ABCA13: variants seen among roughly 807,000 people sequenced by gnomAD.
ABCA13 encodes the protein ATP binding cassette subfamily A member 13, also known as ATP-binding cassette sub-family A member 13.
In ABCA13, 476 loss-of-function variants were observed where a neutral mutation model predicts 478.7. The observed-to-expected ratio is 0.99, with a 90% confidence interval of 0.92 to 1.07. ABCA13 has a LOEUF of 1.07. ABCA13 is among the 50% of genes least tolerant of loss of function. The pLI, the probability that ABCA13 is intolerant of heterozygous loss-of-function variation, is 0.00. For missense variants in ABCA13, 6,060 were observed against 5,910.6 expected, an observed-to-expected ratio of 1.03 and a Z score of -0.83; for synonymous variants, 2,252 against 2,158.9, an observed-to-expected ratio of 1.04 and a Z score of -1.20.
intron 51 of ABCA13, among the ~76,000 whole-genome samples, chr7:48,513,308 GATTC>G (rs1784947807): frequency 6.6e-6 from 1 of 152,156 alleles, no homozygotes; most frequent in Non-Finnish European, 1.5e-5. Flanking sequence ...TACACGAATT[GATTC>G]TTTTAAGAGA....
At chr7:48,340,610 C>G (rs527379465) in intron 29 of ABCA13, among the ~76,000 whole-genome samples, 86 of 152,172 alleles carry the variant, frequency 5.7e-4, no homozygotes, top group Middle Eastern at 3.4e-3. Flanking sequence ...TGTATTTTCA[C>G]AAAAATGATT....
At chr7:48,237,536 G>A (rs1790150474) in intron 8 of ABCA13, among the ~76,000 whole-genome samples, 1 of 152,202 alleles carries the variant, frequency 6.6e-6, no homozygotes, top group African/African-American at 2.4e-5. Context: ...AGCCATGCTA[G>A]ACTTCTCTCA....
At chr7:48,477,326 G>A (rs989590838) in intron 45 of ABCA13, among the ~76,000 whole-genome samples, 3 of 152,184 alleles carry the variant, frequency 2.0e-5, no homozygotes, top group African/African-American at 7.2e-5. Context: ...GTGGAAGTCA[G>A]TATGGCGATT....
intron 53 of ABCA13, 59 bp downstream of exon 53, chr7:48,520,353 G>A: frequency 1.3e-6 from 2 of 1,507,298 alleles, no homozygotes; most frequent in East Asian, 4.6e-5. Context: ...GAGAGGAAGA[G>A]AAAAATTCAT....
intron 35 of ABCA13, among the ~76,000 whole-genome samples, chr7:48,379,649 A>G (rs1814041349): frequency 6.6e-6 from 1 of 152,362 alleles, no homozygotes; most frequent in Non-Finnish European, 1.5e-5. Context: ...AAGAAAATGC[A>G]TAAGTAAAGA....
intron 5 of ABCA13, among the ~76,000 whole-genome samples, chr7:48,223,572 G>T (rs897230395): frequency 2.0e-5 from 3 of 152,112 alleles, no homozygotes; most frequent in African/African-American, 7.2e-5. Context: ...GTGCCACTGG[G>T]ATTAGCAGCA....
At chr7:48,560,948 T>C (rs968503770) in intron 55 of ABCA13, among the ~76,000 whole-genome samples, 4 of 152,182 alleles carry the variant, frequency 2.6e-5, no homozygotes, top group African/African-American at 9.6e-5. Context: ...AGTGACAATA[T>C]GTGGTATTTG....
intron 15 of ABCA13, among the ~76,000 whole-genome samples, chr7:48,259,062 C>T (rs576435803): frequency 2.8e-4 from 43 of 151,758 alleles, no homozygotes; most frequent in Middle Eastern, 6.8e-3. Flanking sequence ...GCCATGTGCA[C>T]GTGAGAAGAA....
chr7:48,489,182 A>G (rs1261675873), intron 47 of ABCA13, 54 bp from the exon 48 acceptor site: 4 of 1,425,986 alleles, frequency 2.8e-6, no homozygotes, highest in Non-Finnish European at 3.9e-6. Context: ...TAGTTGACAA[A>G]CAGACTTACG....
Position 48,623,547 on chromosome 7 carries a change from C to T in ABCA13, c.14837+8170C>T, listed in dbSNP as rs368807163. 2.2e-4 allele frequency among the ~76,000 whole-genome samples: 33 copies of T among 152,250 alleles called. 2 individuals carry two copies. In the South Asian group the frequency reaches 6.6e-3, roughly 31 times the overall value. Reference sequence around the variant, plus strand: ...ATTCATCGTTATTTGTAGTAAGAATCCAGAGGTAACTGGTTATTGGCATTC... The same window carrying T: ...ATTCATCGTTATTTGTAGTAAGAATTCAGAGGTAACTGGTTATTGGCATTC... On this transcript the variant is annotated intron_variant, in intron 59 of 61. Coordinates refer to ENST00000435803, the MANE Select transcript of ABCA13 (RefSeq NM_152701.5).
chr7:48,363,749 T>G (rs1811245767), intron 31 of ABCA13, among the ~76,000 whole-genome samples: 1 of 152,128 alleles, frequency 6.6e-6, no homozygotes, highest in Admixed American at 6.6e-5. Flanking sequence ...GGCTAGTTTT[T>G]TTCACATATT....
chr7:48,315,312 G>T (rs1477580370), intron 26 of ABCA13, among the ~76,000 whole-genome samples: 2 of 152,048 alleles, frequency 1.3e-5, no homozygotes, highest in Non-Finnish European at 2.9e-5. Context: ...GTCACATGTC[G>T]GGATTTCTGA....
chr7:48,230,863 T>C (rs999730895), intron 7 of ABCA13, among the ~76,000 whole-genome samples: 1 of 152,208 alleles, frequency 6.6e-6, no homozygotes, highest in Non-Finnish European at 1.5e-5. Context: ...ATTTATTCAT[T>C]CTCTCATTGA....
intron 19 of ABCA13, among the ~76,000 whole-genome samples, chr7:48,287,721 G>T (rs1343965061): frequency 6.6e-6 from 1 of 152,160 alleles, no homozygotes; most frequent in Non-Finnish European, 1.5e-5. Context: ...GTTTGAGGAG[G>T]TAGAGATAAT....
intron 3 of ABCA13, among the ~76,000 whole-genome samples, chr7:48,204,372 G>A (rs931425504): frequency 5.3e-5 from 8 of 151,958 alleles, no homozygotes; most frequent in Non-Finnish European, 1.0e-4. Context: ...ACCATGCCCA[G>A]CTAATTTTTT....
intron 21 of ABCA13, among the ~76,000 whole-genome samples, chr7:48,296,353 T>C (rs1799366032): frequency 6.6e-6 from 1 of 152,190 alleles, no homozygotes; most frequent in Non-Finnish European, 1.5e-5. Context: ...TGAGCAGTGA[T>C]TGTGCTACTG....
chr7:48,578,095 G>A (rs1788363768), intron 55 of ABCA13, among the ~76,000 whole-genome samples: 1 of 152,040 alleles, frequency 6.6e-6, no homozygotes, highest in African/African-American at 2.4e-5. Context: ...AAAGAACACT[G>A]TAATAAACCT....
At chr7:48,626,106 T>A (rs931015573) in intron 59 of ABCA13, among the ~76,000 whole-genome samples, 2 of 152,164 alleles carry the variant, frequency 1.3e-5, no homozygotes, top group African/African-American at 4.8e-5. Flanking sequence ...TTACTGAATG[T>A]TTACATAGTG....
intron 35 of ABCA13, among the ~76,000 whole-genome samples, chr7:48,382,103 G>A (rs1043951737): frequency 6.6e-6 from 1 of 152,068 alleles, no homozygotes; most frequent in African/African-American, 2.4e-5. Flanking sequence ...TGTCTTTCAC[G>A]TTTGTTTCTA....
Sources: gnomAD v4.1 joint callset for allele counts (sites outside exome capture counted in the v4.1 genomes callset) on GRCh38, gnomAD v4.1.1 for gene constraint, MANE v1.5 for transcripts, NCBI Gene and HGNC (gene_info 2026-07-23, HGNC 2026-07-21) for gene names.